The following REEP3 variants were observed in gnomAD, a reference collection of about 807,000 sequenced individuals.
REEP3 encodes the protein receptor expression-enhancing protein 3.
Under a neutral mutation model 41.3 loss-of-function variants are expected in REEP3, and 20 were observed. That is an observed-to-expected ratio of 0.48 (90% CI 0.34 to 0.70). The LOEUF (loss-of-function observed/expected upper bound fraction) is 0.70. Among genes scored for constraint, REEP3 ranks in the 30% least tolerant of loss-of-function variants. The pLI, the probability that REEP3 is intolerant of heterozygous loss-of-function variation, is 0.01. For missense variants in REEP3, 271 were observed against 308.8 expected (o/e 0.88, Z 0.92); for synonymous variants, 104 against 101.8 (o/e 1.02, Z -0.13).
intron 1 of REEP3, among the ~76,000 whole-genome samples, chr10:63,556,262 C>T (rs1298720294): frequency 2.0e-5 from 3 of 151,724 alleles, no homozygotes; most frequent in Non-Finnish European, 4.4e-5. Flanking sequence ...ATTACAGGCG[C>T]GGGCCACCAT....
chr10:63,544,770 A>G lies in REEP3; in HGVS notation c.33-21568A>G, dbSNP rs372108495. 3.3e-5 allele frequency among the ~76,000 whole-genome samples: 5 copies of G among 152,304 alleles called. No homozygotes were observed. The East Asian group carries it at 5.8e-4, about 18-fold the overall frequency. ...CTTGCACATATTACATATATTTTCT[A>G]GTATGGATAATATGTAGTAAGTTTT... On this transcript the variant is annotated intron_variant, in intron 1 of 7. Coordinates refer to ENST00000373758, the MANE Select transcript of REEP3 (RefSeq NM_001001330.3).
intron 1 of REEP3, among the ~76,000 whole-genome samples, chr10:63,527,206 T>C (rs958906721): frequency 2.6e-5 from 4 of 152,060 alleles, no homozygotes; most frequent in African/African-American, 7.2e-5. Context: ...TCAGCAGCTT[T>C]CCCCCTTCTT....
At chr10:63,536,064 C>G (rs1955471220) in intron 1 of REEP3, among the ~76,000 whole-genome samples, 1 of 152,216 alleles carries the variant, frequency 6.6e-6, no homozygotes, top group African/African-American at 2.4e-5. Context: ...TAATTTGTTT[C>G]TGTTTCACAA....
chr10:63,560,033 A>G (rs1051962498), intron 1 of REEP3, among the ~76,000 whole-genome samples: 3 of 152,084 alleles, frequency 2.0e-5, no homozygotes, highest in African/African-American at 7.2e-5. Flanking sequence ...ATTATCTTCT[A>G]ATGATGTTAT....
intron 1 of REEP3, among the ~76,000 whole-genome samples, chr10:63,548,156 T>A (rs1955595787): frequency 6.6e-6 from 1 of 152,224 alleles, no homozygotes; most frequent in Non-Finnish European, 1.5e-5. Context: ...GTGTTTAGAA[T>A]GCTCCAATGA....
chr10:63,584,430 T>TA (rs71463528), intron 2 of REEP3, among the ~76,000 whole-genome samples: 60,157 of 128,936 alleles, frequency 0.47, 14,040 homozygotes, highest in East Asian at 0.58. Context: ...CCCATCTTTT[T>TA]AAAAAAAAAA....
chr10:63,566,939 C>A (rs1416018501), intron 2 of REEP3, among the ~76,000 whole-genome samples: 1 of 152,032 alleles, frequency 6.6e-6, no homozygotes, highest in Non-Finnish European at 1.5e-5. Context: ...TTTTTAGTTT[C>A]CTCTTCCCTA....
rs578055794 is a variant in REEP3 at position 63,624,719 on chromosome 10, G to C, written c.*3850G>C. The C allele has an allele frequency of 1.3e-5, 2 of 152,134 alleles. No individual in the cohort carries two copies. The highest frequency in any genetic ancestry group is 3.9e-4 in the East Asian group (2 of 5,186). The allele number at this position is 152,134 out of a possible 1,614,324, so 9.4% of individuals were successfully genotyped here. On this transcript the variant is annotated 3_prime_UTR_variant, in exon 8 of 8. Coordinates refer to ENST00000373758, the MANE Select transcript of REEP3 (RefSeq NM_001001330.3). Reference sequence around the variant, plus strand: ...AATTATGAAAATCATAAACATTCTGGTATGGTCATCCATAGGATTATGAAA... The same window carrying C: ...AATTATGAAAATCATAAACATTCTGCTATGGTCATCCATAGGATTATGAAA...
intron 6 of REEP3, among the ~76,000 whole-genome samples, chr10:63,611,645 C>T (rs1956277760): frequency 6.6e-6 from 1 of 151,670 alleles, no homozygotes; most frequent in African/African-American, 2.4e-5. Context: ...AGGCACAGGG[C>T]TATTTTACTT....
intron 1 of REEP3, among the ~76,000 whole-genome samples, chr10:63,561,155 A>G (rs560096680): frequency 1.3e-5 from 2 of 152,364 alleles, no homozygotes; most frequent in African/African-American, 4.8e-5. Flanking sequence ...ATATATGTAT[A>G]GTATCAACTA....
intron 1 of REEP3, among the ~76,000 whole-genome samples, chr10:63,565,102 CA>C (rs911115249): frequency 6.6e-6 from 1 of 151,694 alleles, no homozygotes; most frequent in Non-Finnish European, 1.5e-5. Context: ...ACTAAAAATA[CA>C]AAAAAAATTA....
intron 6 of REEP3, among the ~76,000 whole-genome samples, chr10:63,617,861 G>T (rs1956324063): frequency 1.7e-5 from 2 of 116,452 alleles, no homozygotes; most frequent in Admixed American, 1.2e-4. Context: ...GTCTTGCTCT[G>T]TCACCCAAGC....
intron 2 of REEP3, among the ~76,000 whole-genome samples, chr10:63,568,315 G>A (rs545676921): frequency 4.0e-5 from 6 of 149,088 alleles, no homozygotes; most frequent in East Asian, 2.0e-4. Context: ...CACCCAGGCC[G>A]GAGTGCACTG....
intron 2 of REEP3, among the ~76,000 whole-genome samples, chr10:63,569,478 C>CT (rs11386416): frequency 0.98 from 142,684 of 145,978 alleles, 69,747 homozygotes; most frequent in South Asian, 1. Context: ...CCCAAATCTG[C>CT]TTTTTTTTTT....
At chr10:63,543,636 C>T (rs1337972615) in intron 1 of REEP3, among the ~76,000 whole-genome samples, 1 of 152,166 alleles carries the variant, frequency 6.6e-6, no homozygotes, top group East Asian at 1.9e-4. Context: ...TTCTGCCTTC[C>T]TATCCACAGT....
At chr10:63,531,827 C>T (rs1310582462) in intron 1 of REEP3, among the ~76,000 whole-genome samples, 2 of 152,062 alleles carry the variant, frequency 1.3e-5, no homozygotes, top group Non-Finnish European at 2.9e-5. Flanking sequence ...TTTGGAAATT[C>T]ACAAGTATCT....
intron 1 of REEP3, among the ~76,000 whole-genome samples, chr10:63,548,954 G>C (rs1246504975): frequency 1.3e-5 from 2 of 151,102 alleles, no homozygotes; most frequent in African/African-American, 4.9e-5. Flanking sequence ...TCTCTTGTAA[G>C]AGTCAAAATA....
chr10:63,542,498 C>A (rs1337952440), intron 1 of REEP3, among the ~76,000 whole-genome samples: 1 of 152,138 alleles, frequency 6.6e-6, no homozygotes, highest in African/African-American at 2.4e-5. Context: ...TATAAATATC[C>A]TTTATATCCT....
At chr10:63,554,509 G>T (rs1314810120) in intron 1 of REEP3, among the ~76,000 whole-genome samples, 1 of 152,126 alleles carries the variant, frequency 6.6e-6, no homozygotes, top group Admixed American at 6.5e-5. Context: ...GTTTTCTTTG[G>T]GGGACAGTTT....
Sources: allele counts gnomAD v4.1 joint callset (sites outside exome capture counted in the v4.1 genomes callset), GRCh38; gene constraint gnomAD v4.1.1; transcripts MANE v1.5; gene names NCBI Gene and HGNC (gene_info 2026-07-23, HGNC 2026-07-21).